The following TAS1R2 variants were observed in gnomAD, a reference collection of about 807,000 sequenced individuals.
TAS1R2 encodes the protein taste receptor type 1 member 2.
Under a neutral mutation model 49.3 loss-of-function variants are expected in TAS1R2, and 47 were observed. The ratio of observed to expected loss-of-function variants is 0.95; its 90% CI spans 0.75 to 1.22. The LOEUF (loss-of-function observed/expected upper bound fraction) is 1.22. TAS1R2 is among the 50% of genes most tolerant of loss of function. The probability of loss-of-function intolerance (pLI) is 0.00; values close to 1 mark genes in which losing one functional copy is unlikely to be tolerated. For missense variants in TAS1R2, 1,155 were observed against 1,122.1 expected (o/e 1.03, Z -0.42); for synonymous variants, 479 against 467.9 (o/e 1.02, Z -0.31).
chr1:18,844,707 T>C (rs542942180), intron 4 of TAS1R2, among the ~76,000 whole-genome samples: 4 of 152,202 alleles, frequency 2.6e-5, no homozygotes, highest in African/African-American at 7.2e-5. Flanking sequence ...TGAGCCAAGA[T>C]TGTGCCACTG....
At chr1:18,842,725 A>T (rs753548873) in intron 4 of TAS1R2, among the ~76,000 whole-genome samples, 1 of 152,238 alleles carries the variant, frequency 6.6e-6, no homozygotes, top group Non-Finnish European at 1.5e-5. Flanking sequence ...TTCTACTTAT[A>T]TGAGGTGTCT....
rs768764872 is a variant in TAS1R2, at chr1:18,854,531, G to C, written c.939C>G (p.Leu313=). ...AGGTGCCCAAGTGGCGCAGCTCCGT[G>C]AGGTTGTGCAGGACCGGGTCGATGG... The change falls in exon 3 of 6, where the codon CTC becomes CTG. Residue 313 remains leucine, a synonymous_variant. Coordinates refer to ENST00000375371, the Ensembl canonical transcript of TAS1R2. This position sits in a 1 kb window ranked among gnomAD's most constrained non-coding sequence, Gnocchi z 4.9. 1.2e-6 allele frequency: 2 copies of C among 1,613,736 alleles called. No homozygotes were observed. The highest frequency in any genetic ancestry group is 1.7e-6 in the Non-Finnish European group (2 of 1,179,862).
rs1934153057 is a variant in TAS1R2 at position 18,857,318 on chromosome 1, C to T, written c.483+13G>A. Reference sequence around the variant, plus strand: ...CCCTCCCCAGGTCCTTCTCCAGGGCCCAGGGGCCTCACCTGTGGAAGGAGA... The same window carrying T: ...CCCTCCCCAGGTCCTTCTCCAGGGCTCAGGGGCCTCACCTGTGGAAGGAGA... On this transcript the variant is annotated intron_variant, in intron 2 of 5. Transcript: ENST00000375371. The T allele has an allele frequency of 6.2e-7, 1 of 1,610,192 alleles. No individual in the cohort carries two copies. Among genetic ancestry groups the T allele is most frequent in the South Asian group, 1.1e-5 (1 of 90,852 alleles).
intron 4 of TAS1R2, among the ~76,000 whole-genome samples, chr1:18,847,682 T>C (rs1392442037): frequency 6.6e-6 from 1 of 152,170 alleles, no homozygotes; most frequent in African/African-American, 2.4e-5. Context: ...GAGGGTAAAA[T>C]AATGGATCTT....
chr1:18,845,897 A>G (rs1401307874), intron 4 of TAS1R2, among the ~76,000 whole-genome samples: 1 of 152,210 alleles, frequency 6.6e-6, no homozygotes, highest in Non-Finnish European at 1.5e-5. Flanking sequence ...GAAGAAACCC[A>G]GAATGGTAAG....
intron 3 of TAS1R2, among the ~76,000 whole-genome samples, chr1:18,849,933 G>A (rs34482307): frequency 1.3e-5 from 2 of 152,306 alleles, no homozygotes; most frequent in South Asian, 2.1e-4. Context: ...CTCCTACCAA[G>A]GTGCTGATAG....
intron 2 of TAS1R2, among the ~76,000 whole-genome samples, chr1:18,855,371 G>GCGCTT (rs1934120798): frequency 6.6e-6 from 1 of 152,114 alleles, no homozygotes; most frequent in South Asian, 2.1e-4. Flanking sequence ...ACTAAGCACA[G>GCGCTT]CGCTTTCCTC....
At chr1:18,858,341 C>G (rs545446603) in intron 1 of TAS1R2, 4 of 152,862 alleles carry the variant, frequency 2.6e-5, no homozygotes, top group Non-Finnish European at 4.4e-5. Flanking sequence ...TCACTAACAC[C>G]ATCACCAGCA....
At chr1:18,858,624 A>G (rs189320086) in intron 1 of TAS1R2, among the ~76,000 whole-genome samples, 207 of 152,302 alleles carry the variant, frequency 1.4e-3, no homozygotes, top group African/African-American at 4.7e-3. Context: ...CATACTTTTT[A>G]TCATTGTCAT....
At chr1:18,840,917 A>G (rs1318680582) in intron 5 of TAS1R2, among the ~76,000 whole-genome samples, 1 of 152,164 alleles carries the variant, frequency 6.6e-6, no homozygotes, top group East Asian at 1.9e-4. Context: ...TTTGAGCACC[A>G]TCCATTGTGA....
rs575948391 is a variant in TAS1R2 at position 18,854,499 on chromosome 1, C to T, written c.971G>A (p.Gly324Asp). 1.2e-4 allele frequency: 191 copies of T among 1,614,004 alleles called. 3 individuals carry two copies. In the South Asian group the frequency reaches 2.0e-3, roughly 17 times the overall value. ...GATGGGCACGCTCTGGATGGTGATG[C>T]CCAGGAAGGTGCCCAAGTGGCGCAG... Residue 324 changes from glycine to aspartate, a missense_variant, in exon 3 of 6, where the codon GGC (glycine) becomes GAC (aspartate). By Grantham distance (94) the Gly-to-Asp change is moderately conservative. Transcript: ENST00000375371. This position sits in a 1 kb window ranked among gnomAD's most constrained non-coding sequence, Gnocchi z 4.9.
At chr1:18,841,657 C>T in intron 5 of TAS1R2, 72 bp downstream of exon 5, 2 of 1,565,554 alleles carry the variant, frequency 1.3e-6, no homozygotes, top group African/African-American at 1.3e-5. Flanking sequence ...GGAGGACAAG[C>T]CCTAGAGACT....
intron 3 of TAS1R2, among the ~76,000 whole-genome samples, chr1:18,852,006 C>T (rs574698352): frequency 3.3e-5 from 5 of 152,300 alleles, no homozygotes; most frequent in African/African-American, 7.2e-5. Context: ...ACACCGTGTC[C>T]GGCACATAAG....
At chr1:18,850,661 G>A (rs376330563) in intron 3 of TAS1R2, among the ~76,000 whole-genome samples, 16 of 152,250 alleles carry the variant, frequency 1.1e-4, no homozygotes, top group African/African-American at 3.9e-4. Context: ...TGGGACTTGA[G>A]GGATCCAAGA....
exon 6 of TAS1R2, chr1:18,839,840 T>G (rs1486017967): frequency 1.2e-6 from 2 of 1,614,230 alleles, no homozygotes; most frequent in East Asian, 2.2e-5. Flanking sequence ...GGTGATGAAC[T>G]TGGCCTCGTT....
At chr1:18,844,811 G>A (rs569857305) in intron 4 of TAS1R2, among the ~76,000 whole-genome samples, 131 of 152,246 alleles carry the variant, frequency 8.6e-4, no homozygotes, top group African/African-American at 3.1e-3. Flanking sequence ...AGGTCAGCTG[G>A]CTTTTGTCCT....
chr1:18,854,077 G>A lies in TAS1R2; in HGVS notation c.1257+136C>T. ...TTCAATTAATTTAAAAAGCAATTTT[G>A]TTTTGGCACCAGGAAGGACTAGTGC... On this transcript the variant is annotated intron_variant, in intron 3 of 5. Transcript: ENST00000375371. The surrounding 1 kb of genome is among the most constrained non-coding windows in gnomAD (Gnocchi z 4.9). 1.2e-6 allele frequency: 1 copy of A among 822,266 alleles called. No homozygotes were observed. Among genetic ancestry groups the A allele is most frequent in the South Asian group, 1.9e-5 (1 of 52,856 alleles). The allele number at this position is 822,266 out of a possible 1,614,324, so 50.9% of individuals were successfully genotyped here. A position where few individuals can be genotyped will look rare whatever the true frequency, so the allele number is the denominator to read the frequency against.
exon 5 of TAS1R2, chr1:18,841,792 T>G: frequency 6.2e-7 from 1 of 1,614,036 alleles, no homozygotes. Context: ...CAGACGTGGA[T>G]GCCCACAGGC....
At chr1:18,851,658 C>T (rs780891192) in intron 3 of TAS1R2, among the ~76,000 whole-genome samples, 15 of 152,054 alleles carry the variant, frequency 9.9e-5, no homozygotes, top group Non-Finnish European at 2.1e-4. Context: ...CTGTGATGGC[C>T]ACAAATTTGC....
Sources: gnomAD v4.1 joint callset for allele counts (sites outside exome capture counted in the v4.1 genomes callset) on GRCh38, gnomAD v4.1.1 for gene constraint, Gnocchi (gnomAD v3.1) non-coding constraint, MANE v1.5 for transcripts, NCBI Gene and HGNC (gene_info 2026-07-23, HGNC 2026-07-21) for gene names.